Variants in KCND3 observed in about 807,000 individuals in gnomAD.
KCND3 encodes potassium voltage-gated channel subfamily D member 3.
In KCND3, 9 loss-of-function variants were observed where a neutral mutation model predicts 51.1. The observed-to-expected ratio is 0.18, with a 90% CI of 0.11 to 0.31. The LOEUF is 0.31. KCND3 is among the 10% of genes least tolerant of loss of function. KCND3 has a pLI of 1.00. For missense variants in KCND3, 526 were observed against 903.8 expected (o/e 0.58, Z 5.36); for synonymous variants, 349 against 368.0 (o/e 0.95, Z 0.59).
chr1:111,915,939 T>C (rs1409117984), intron 2 of KCND3, among the ~76,000 whole-genome samples: 1 of 151,492 alleles, frequency 6.6e-6, no homozygotes, highest in Non-Finnish European at 1.5e-5. Flanking sequence ...CAAAAGTTGA[T>C]ATAAAGAAAG....
intron 2 of KCND3, among the ~76,000 whole-genome samples, chr1:111,942,378 G>T (rs1314668015): frequency 6.6e-6 from 1 of 152,202 alleles, no homozygotes; most frequent in East Asian, 1.9e-4. Context: ...AGAATCAAAT[G>T]GGGTGGCTGA....
chr1:111,805,895 G>A (rs1665545666), intron 2 of KCND3, among the ~76,000 whole-genome samples: 1 of 152,222 alleles, frequency 6.6e-6, no homozygotes, highest in Non-Finnish European at 1.5e-5. Flanking sequence ...TGGAGCAGCT[G>A]CTGGGTTACT....
chr1:111,927,605 G>A (rs1278381731), intron 2 of KCND3, among the ~76,000 whole-genome samples: 2 of 152,306 alleles, frequency 1.3e-5, no homozygotes, highest in East Asian at 3.9e-4. Context: ...ATGCTTATAT[G>A]CATTTCTCTC....
chr1:111,899,931 ACT>A (rs999019290), intron 2 of KCND3, among the ~76,000 whole-genome samples: 1 of 152,004 alleles, frequency 6.6e-6, no homozygotes, highest in African/African-American at 2.4e-5. Flanking sequence ...GCCTCCCAGG[ACT>A]CTCTGCAACA....
chr1:111,971,361 C>T (rs1674320876), intron 2 of KCND3, among the ~76,000 whole-genome samples: 1 of 151,450 alleles, frequency 6.6e-6, no homozygotes, highest in African/African-American at 2.4e-5. Flanking sequence ...ACTCAGAAAC[C>T]CAGTGTGACC....
At chr1:111,918,939 A>G (rs1671352432) in intron 2 of KCND3, among the ~76,000 whole-genome samples, 1 of 151,836 alleles carries the variant, frequency 6.6e-6, no homozygotes, top group South Asian at 2.1e-4. Context: ...TGTAGAGGGG[A>G]GGCAGCTGAG....
At chr1:111,879,589 T>A (rs978347981) in intron 2 of KCND3, among the ~76,000 whole-genome samples, 1 of 152,338 alleles carries the variant, frequency 6.6e-6, no homozygotes, top group East Asian at 1.9e-4. Flanking sequence ...AGTGTCTAGA[T>A]GCAAGAGAGT....
intron 2 of KCND3, among the ~76,000 whole-genome samples, chr1:111,908,575 C>G (rs1670761406): frequency 6.6e-6 from 1 of 152,104 alleles, no homozygotes; most frequent in African/African-American, 2.4e-5. Context: ...ACTGGAGTCC[C>G]CAGTCTGTCA....
At chr1:111,963,856 C>A (rs944920284) in intron 2 of KCND3, among the ~76,000 whole-genome samples, 17 of 152,346 alleles carry the variant, frequency 1.1e-4, no homozygotes, top group South Asian at 4.1e-4. Context: ...ATCACCACAC[C>A]AGCATGCACA....
At chr1:111,898,379 C>A (rs1670220966) in intron 2 of KCND3, among the ~76,000 whole-genome samples, 2 of 152,132 alleles carry the variant, frequency 1.3e-5, no homozygotes, top group Non-Finnish European at 2.9e-5. Flanking sequence ...GCACCTGTAC[C>A]TCCACATGCC....
intron 2 of KCND3, among the ~76,000 whole-genome samples, chr1:111,932,541 A>C (rs1672027437): frequency 6.6e-6 from 1 of 152,200 alleles, no homozygotes; most frequent in Non-Finnish European, 1.5e-5. Context: ...ATTCCTCTGC[A>C]CTCAGCTCCT....
intron 2 of KCND3, among the ~76,000 whole-genome samples, chr1:111,845,601 G>C (rs1187000773): frequency 1.3e-5 from 2 of 151,958 alleles, no homozygotes; most frequent in African/African-American, 4.8e-5. Flanking sequence ...CAGAGACCAA[G>C]GAGTCATCCC....
intron 2 of KCND3, among the ~76,000 whole-genome samples, chr1:111,829,039 A>G (rs574368710): frequency 1.1e-3 from 167 of 152,348 alleles, no homozygotes; most frequent in Non-Finnish European, 1.9e-3. Context: ...CTACAAAGAC[A>G]ATTCAATCTA....
intron 2 of KCND3, among the ~76,000 whole-genome samples, chr1:111,905,647 T>C (rs539792727): frequency 6.6e-6 from 1 of 152,314 alleles, no homozygotes; most frequent in East Asian, 1.9e-4. Flanking sequence ...CAGGTGACTA[T>C]GGCGTGCAGC....
chr1:111,984,023 T>C (rs565532113), intron 1 of KCND3, among the ~76,000 whole-genome samples: 13 of 152,228 alleles, frequency 8.5e-5, no homozygotes, highest in African/African-American at 2.2e-4. Context: ...TTGGAAATTG[T>C]TTGGGGTTGA....
At position 111,775,883 on chromosome 1, in the gene KCND3, C is replaced by T. The variant is rs1243207253; in HGVS notation, c.*194G>A. ...ATGCAGTATCACAGGGCTATGTCCACGCTAGCAGCGTGAACCTCAGGTGCC... is the reference window on the plus strand; with the variant it reads ...ATGCAGTATCACAGGGCTATGTCCATGCTAGCAGCGTGAACCTCAGGTGCC... On this transcript the variant is annotated 3_prime_UTR_variant, in exon 8 of 8. Transcript: ENST00000302127. The T allele has an allele frequency of 2.1e-5, 9 of 433,898 alleles. No individual in the cohort carries two copies. In the East Asian group the frequency reaches 3.2e-4, roughly 16 times the overall value. 26.9% of individuals were successfully genotyped at this position (433,898 alleles called of 1,614,324 possible).
At chr1:111,943,057 G>A (rs935949596) in intron 2 of KCND3, among the ~76,000 whole-genome samples, 10 of 152,092 alleles carry the variant, frequency 6.6e-5, no homozygotes, top group African/African-American at 9.7e-5. Context: ...GGTGAGCTGC[G>A]AGCAGGAAAG....
chr1:111,904,716 G>C (rs999353089), intron 2 of KCND3, among the ~76,000 whole-genome samples: 2 of 152,208 alleles, frequency 1.3e-5, no homozygotes, highest in African/African-American at 4.8e-5. Context: ...CTGCGTGACA[G>C]CCGCCCCTGC....
chr1:111,965,061 AC>A (rs142913482), intron 2 of KCND3, among the ~76,000 whole-genome samples: 2,752 of 150,910 alleles, frequency 0.018, 57 homozygotes, highest in Non-Finnish European at 0.02. Flanking sequence ...GCTTTGCTGC[AC>A]CCCCCCAAAC....
Sources: allele counts gnomAD v4.1 joint callset (sites outside exome capture counted in the v4.1 genomes callset), GRCh38; gene constraint gnomAD v4.1.1; transcripts MANE v1.5; gene names NCBI Gene and HGNC (gene_info 2026-07-23, HGNC 2026-07-21).